Variants in TMEM63C observed in about 807,000 individuals in gnomAD.
The protein encoded by TMEM63C is osmosensitive cation channel TMEM63C.
In TMEM63C, 32 loss-of-function variants were observed where a neutral mutation model predicts 99.2. That is an observed-to-expected ratio of 0.32 (90% confidence interval 0.24 to 0.43). TMEM63C has a LOEUF of 0.43. Ranked by LOEUF, TMEM63C falls within the 20% of genes least tolerant of loss-of-function variation. The probability of loss-of-function intolerance (pLI) is 1.00; values close to 1 mark genes in which losing one functional copy is unlikely to be tolerated. For synonymous variants in TMEM63C, 376 were observed against 397.9 expected, an observed-to-expected ratio of 0.94 and a Z score of 0.66; for missense variants, 826 against 1,053.0, an observed-to-expected ratio of 0.78 and a Z score of 2.98.
chr14:77,220,102 C>T lies in TMEM63C; in HGVS notation c.312+15C>T, dbSNP rs73309138. 10,000 of 1,552,308 alleles carry T rather than the reference C, an allele frequency of 6.4e-3. 308 individuals carry two copies. The East Asian group carries it at 0.077, about 12-fold the overall frequency. On this transcript the variant is annotated intron_variant, in intron 5 of 23. Transcript: ENST00000298351. ...GCAGAGACAAGGTGAGTGCTGGGAG[C>T]GGTCTGGGCGGTGGGAGTCCCAGCA...
chr14:77,223,093 A>C (rs1888754631), intron 5 of TMEM63C, among the ~76,000 whole-genome samples: 1 of 152,200 alleles, frequency 6.6e-6, no homozygotes, highest in African/African-American at 2.4e-5. Context: ...CAAAGTGCAG[A>C]GCCTCAGACA....
intron 1 of TMEM63C, among the ~76,000 whole-genome samples, chr14:77,198,295 G>A (rs1372823374): frequency 1.3e-5 from 2 of 152,244 alleles, no homozygotes; most frequent in Non-Finnish European, 2.9e-5. Flanking sequence ...AACTCAGCTA[G>A]CTCCATCCTG....
At position 77,248,342 on chromosome 14, in the gene TMEM63C, C is replaced by T; in HGVS notation, c.1602-5C>T. 1 of 1,606,830 alleles carries T rather than the reference C, an allele frequency of 6.2e-7. No homozygotes were observed. Among genetic ancestry groups the T allele is most frequent in the East Asian group, 2.2e-5 (1 of 44,548 alleles). On this transcript the variant is annotated splice_region_variant and splice_polypyrimidine_tract_variant and intron_variant, in intron 18 of 23. Coordinates refer to ENST00000298351, the MANE Select transcript of TMEM63C (RefSeq NM_020431.4). ...TTGCCACCTTCCCTCTCCCTCACTG[C>T]CCAGGTGTGTGTTCCTGCCAGACAA...
intron 1 of TMEM63C, among the ~76,000 whole-genome samples, chr14:77,194,557 T>TTTTCTTTCTTTCTG (rs1555346144): frequency 0.18 from 21,512 of 118,454 alleles, 3,351 homozygotes; most frequent in South Asian, 0.26. Context: ...TTCTTTCTCT[T>TTTTCTTTCTTTCTG]TCTTTCTTTC....
intron 2 of TMEM63C, among the ~76,000 whole-genome samples, chr14:77,217,257 G>A (rs977494466): frequency 2.6e-5 from 4 of 152,036 alleles, no homozygotes; most frequent in Non-Finnish European, 4.4e-5. Flanking sequence ...GGGCAAGCTC[G>A]AAGCCCAGGG....
chr14:77,246,439 C>T (rs1014051905), intron 17 of TMEM63C, among the ~76,000 whole-genome samples, 170 bp from the exon 18 acceptor site: 1 of 152,230 alleles, frequency 6.6e-6, no homozygotes, highest in African/African-American at 2.4e-5. Context: ...GGCCAAAGGG[C>T]TCGGGGCCAG....
rs200129475 is a variant in TMEM63C at position 77,233,522 on chromosome 14, C to T, written c.542+22C>T. 4,180 of 1,612,446 alleles carry T rather than the reference C, an allele frequency of 2.6e-3. 33 individuals carry two copies. The highest frequency in any genetic ancestry group is 2.9e-3 in the Non-Finnish European group (3,476 of 1,179,120). ...CAGAGTAGGTACCTGATCTTAACCT[C>T]CCATTCCATTGGCTGGGGGTGTTGG... On this transcript the variant is annotated intron_variant, in intron 8 of 23. Coordinates refer to ENST00000298351, the MANE Select transcript of TMEM63C (RefSeq NM_020431.4).
intron 5 of TMEM63C, among the ~76,000 whole-genome samples, chr14:77,224,376 G>T (rs1888779736): frequency 6.6e-6 from 1 of 152,038 alleles, no homozygotes; most frequent in Admixed American, 6.5e-5. Context: ...CAGTCCATGT[G>T]GTTCCAGAGG....
In TMEM63C at chr14:77,219,552, C is replaced by G; in HGVS notation, c.205C>G (p.Leu69Val). ...LRKAAWDYGRLALLIHNDSLT... is the reference protein window; with the variant it reads ...LRKAAWDYGRVALLIHNDSLT... ...GAAAGCTGCGTGGGACTATGGGCGCCTGGCTCTGCTGATACACAATGACAG... is the reference window on the plus strand; with the variant it reads ...GAAAGCTGCGTGGGACTATGGGCGCGTGGCTCTGCTGATACACAATGACAG... The change falls in exon 4 of 24, where the codon CTG (leucine) becomes GTG (valine). Residue 69 changes from leucine (L) to valine (V), a missense_variant. Physicochemically the swap from Leu to Val is conservative, Grantham distance 32. Coordinates refer to ENST00000298351, the MANE Select transcript of TMEM63C (RefSeq NM_020431.4). The G allele has an allele frequency of 1.2e-6, 2 of 1,614,000 alleles. No homozygotes were observed. The highest frequency in any genetic ancestry group is 1.7e-6 in the Non-Finnish European group (2 of 1,179,898).
chr14:77,195,120 G>A (rs550535767), intron 1 of TMEM63C, among the ~76,000 whole-genome samples: 1 of 152,076 alleles, frequency 6.6e-6, no homozygotes, highest in African/African-American at 2.4e-5. Context: ...TATTTAAGAA[G>A]AAACAAATTA....
At chr14:77,238,549 T>A (rs1889101974) in intron 9 of TMEM63C, 145 bp from the exon 10 acceptor site, 1 of 671,180 alleles carries the variant, frequency 1.5e-6, no homozygotes, top group East Asian at 2.7e-5. Context: ...TGGCTCTGGC[T>A]TTCTTGGCTC....
chr14:77,185,283 T>G (rs1395143655), intron 1 of TMEM63C, among the ~76,000 whole-genome samples: 1 of 152,164 alleles, frequency 6.6e-6, no homozygotes, highest in Non-Finnish European at 1.5e-5. Context: ...TAGACCTTCA[T>G]TCCTGCCAAG....
At chr14:77,197,633 C>T (rs753814396) in intron 1 of TMEM63C, among the ~76,000 whole-genome samples, 9 of 152,346 alleles carry the variant, frequency 5.9e-5, no homozygotes, top group Non-Finnish European at 1.2e-4. Flanking sequence ...CTGCAAAAGT[C>T]TGTTCTCTCC....
rs1889525598 is a variant in TMEM63C, at chr14:77,258,830, C to T, written c.*2104C>T. ...AGCCCCTGCCGGACTGTGGAAGCCA[C>T]ATATGGGAAAAGTCCTGGCAGACAA... is the stretch of plus-strand genomic sequence containing the variant. On this transcript the variant is annotated 3_prime_UTR_variant, in exon 24 of 24. Transcript: ENST00000298351. 1 of 152,364 alleles carries T rather than the reference C, an allele frequency of 6.6e-6. No individual in the cohort carries two copies. Among genetic ancestry groups the T allele is most frequent in the South Asian group, 2.1e-4 (1 of 4,836 alleles). 9.4% of individuals were successfully genotyped at this position (152,364 alleles called of 1,614,324 possible). A position where few individuals can be genotyped will look rare whatever the true frequency, so the allele number is the denominator to read the frequency against.
intron 17 of TMEM63C, 94 bp from the exon 18 acceptor site, chr14:77,246,515 T>C: frequency 9.2e-7 from 1 of 1,090,754 alleles, no homozygotes; most frequent in Non-Finnish European, 1.4e-6. Flanking sequence ...AGCAAGGGTC[T>C]TTCTTTGGAG....
At position 77,254,798 on chromosome 14, in the gene TMEM63C, G is replaced by A. The variant is rs183953611; in HGVS notation, c.2220+1422G>A. Among the ~76,000 whole-genome samples the A allele has an allele frequency of 2.3e-3, 356 of 151,980 alleles. 2 individuals are homozygous for A. Among genetic ancestry groups the A allele is most frequent in the African/African-American group, 8.4e-3 (347 of 41,454 alleles). On this transcript the variant is annotated intron_variant, in intron 23 of 23. Transcript: ENST00000298351. Reference sequence around the variant, plus strand: ...ATTACCACAGGGCTATATGAACATCGCACATCATTATAGGGGGAAAGGATA... The same window carrying A: ...ATTACCACAGGGCTATATGAACATCACACATCATTATAGGGGGAAAGGATA...
intron 1 of TMEM63C, among the ~76,000 whole-genome samples, chr14:77,185,472 C>T (rs552297569): frequency 1.1e-3 from 160 of 152,344 alleles, no homozygotes; most frequent in African/African-American, 3.6e-3. Flanking sequence ...GCATGCTGGC[C>T]TCAGGCCATC....
rs71125542 is a variant in TMEM63C at position 77,191,538 on chromosome 14, CTTTTTTTT to C, written c.-77+9660_-77+9667del. ...TTTCTTTCTTTTCTTTTTTCTTTTT[CTTTTTTTT>C]TTTTTTTTTTTTTTTGAGACAGAGT... On this transcript the variant is annotated intron_variant, in intron 1 of 23. Coordinates refer to ENST00000298351, the MANE Select transcript of TMEM63C (RefSeq NM_020431.4). 1.5e-4 allele frequency among the ~76,000 whole-genome samples: 12 copies of C among 82,608 alleles called. No individual in the cohort carries two copies. The South Asian group carries it at 4.4e-3, about 30-fold the overall frequency. 54.2% of individuals were successfully genotyped at this position (82,608 alleles called of 152,430 possible).
intron 21 of TMEM63C, among the ~76,000 whole-genome samples, chr14:77,251,222 T>C (rs1261040343): frequency 6.6e-6 from 1 of 152,244 alleles, no homozygotes; most frequent in African/African-American, 2.4e-5. Context: ...TTTGCTACTA[T>C]AAAAACACTG....
Sources: allele counts gnomAD v4.1 joint callset (sites outside exome capture counted in the v4.1 genomes callset), GRCh38; gene constraint gnomAD v4.1.1; transcripts MANE v1.5; gene names NCBI Gene and HGNC (gene_info 2026-07-23, HGNC 2026-07-21).